Variants in CALD1 observed in about 807,000 individuals in gnomAD.
CALD1 encodes caldesmon.
A neutral mutation model predicts 99.9 loss-of-function variants in CALD1; 33 were observed. The observed-to-expected ratio is 0.33, with a 90% confidence interval of 0.25 to 0.44. The LOEUF (loss-of-function observed/expected upper bound fraction) is 0.44, where lower values mean the gene tolerates loss of function less well. Ranked by LOEUF, CALD1 falls within the 20% of genes least tolerant of loss-of-function variation. The pLI, the probability that CALD1 is intolerant of heterozygous loss-of-function variation, is 1.00. For synonymous variants in CALD1, 310 were observed against 325.0 expected (o/e 0.95, Z 0.50); for missense variants, 861 against 962.1 (o/e 0.89, Z 1.39).
At chr7:134,767,218 T>C (rs888025299) in intron 1 of CALD1, among the ~76,000 whole-genome samples, 1 of 150,926 alleles carries the variant, frequency 6.6e-6, no homozygotes, top group Admixed American at 6.6e-5. Flanking sequence ...TGTGTGTGTG[T>C]GTGTGTGCGT....
intron 6 of CALD1, among the ~76,000 whole-genome samples, chr7:134,940,710 C>T (rs1336161569): frequency 6.6e-6 from 1 of 152,224 alleles, no homozygotes; most frequent in African/African-American, 2.4e-5. Flanking sequence ...CCTGTCTAAG[C>T]AACGTGGTCA....
At chr7:134,932,884 G>T in intron 4 of CALD1, 104 bp from the exon 5 acceptor site, 1 of 718,356 alleles carries the variant, frequency 1.4e-6, no homozygotes. Context: ...GGCAAGCTTG[G>T]CACTACTGGC....
intron 1 of CALD1, among the ~76,000 whole-genome samples, chr7:134,834,948 C>T (rs1799372947): frequency 1.3e-5 from 2 of 152,178 alleles, no homozygotes; most frequent in African/African-American, 2.4e-5. Flanking sequence ...TGCCGATGTC[C>T]ACAGCTTCCT....
chr7:134,719,211 G>T, the CALD1 span, among the ~76,000 whole-genome samples: 1 of 152,148 alleles, frequency 6.6e-6, no homozygotes, highest in Non-Finnish European at 1.5e-5. Context: ...ACGGAAAAAT[G>T]ATTGTTTAAA....
Position 134,947,727 on chromosome 7 carries a change from G to A in CALD1, c.1752G>A (p.Gln584=). The A allele has an allele frequency of 6.2e-7, 1 of 1,613,948 alleles. No homozygotes were observed. Among genetic ancestry groups the A allele is most frequent in the African/African-American group, 1.3e-5 (1 of 75,058 alleles). ...ERRKVLEEEE[Q]RRKQEEADRK... ...GGAAGGTCCTGGAGGAGGAAGAGCA[G>A]AGGAGGAAGCAGGAGGAAGCCGATC... Residue 584 remains glutamine, a synonymous_variant, in exon 8 of 15, where the codon CAG becomes CAA. Transcript: ENST00000361675.
rs146595921 is a variant in CALD1 at position 134,760,044 on chromosome 7, G to C, written c.-130+15681G>C. Reference sequence around the variant, plus strand: ...TGAAGATATGTGCAGGGGAAAGTTTGGGCAGAGGAAAGAAGATGGAGGGCT... The same window carrying C: ...TGAAGATATGTGCAGGGGAAAGTTTCGGCAGAGGAAAGAAGATGGAGGGCT... On this transcript the variant is annotated intron_variant, in intron 1 of 13. Coordinates refer to the CALD1 transcript ENST00000417172. 1.0e-3 allele frequency among the ~76,000 whole-genome samples: 158 copies of C among 152,260 alleles called. 2 individuals carry two copies. Among genetic ancestry groups the C allele is most frequent in the African/African-American group, 3.7e-3 (152 of 41,540 alleles).
rs560818069 is a variant in CALD1, at chr7:134,940,483, T to C, written c.1387-609T>C. Among the ~76,000 whole-genome samples the C allele has an allele frequency of 1.9e-4, 29 of 152,210 alleles. 1 individual carries two copies. Among genetic ancestry groups the C allele is most frequent in the Non-Finnish European group, 3.8e-4 (26 of 68,038 alleles). On this transcript the variant is annotated intron_variant, in intron 6 of 14. Transcript: ENST00000361675. ...TTCTAACTTTAATGGTTTAGATGAC[T>C]ACAGACATGTTCTCACAGACCCCAC...
chr7:134,882,188 G>A (rs776115461), intron 3 of CALD1, among the ~76,000 whole-genome samples: 1 of 152,152 alleles, frequency 6.6e-6, no homozygotes, highest in Non-Finnish European at 1.5e-5. Flanking sequence ...TACTTGTGAG[G>A]GAGGCAGAAA....
chr7:134,919,641 T>A (rs1312667819), intron 3 of CALD1, among the ~76,000 whole-genome samples: 1 of 152,104 alleles, frequency 6.6e-6, no homozygotes, highest in African/African-American at 2.4e-5. Flanking sequence ...GGAGATGGGG[T>A]GGGAGAATGG....
chr7:134,788,474 G>T (rs1045989037), intron 1 of CALD1, among the ~76,000 whole-genome samples: 2 of 152,180 alleles, frequency 1.3e-5, no homozygotes, highest in African/African-American at 2.4e-5. Flanking sequence ...GGGATGCGGT[G>T]GTAAAATTAG....
chr7:134,832,612 A>G (rs2132084221), intron 1 of CALD1, among the ~76,000 whole-genome samples: 1 of 152,320 alleles, frequency 6.6e-6, no homozygotes, highest in South Asian at 2.1e-4. Context: ...CAGCCTAAGA[A>G]CATAATAAGG....
rs1212642295 is a variant in CALD1, at chr7:134,950,264, C to T, written c.1795-110C>T. On this transcript the variant is annotated intron_variant, in intron 8 of 14. Transcript: ENST00000361675. ...ACCACCTAGAAGGGGAGTGTCCAGC[C>T]TGCGGCCTGAGTCTGCTGCCTCTCC... The T allele has an allele frequency of 8.7e-6, 9 of 1,032,570 alleles. 1 individual carries two copies. In the South Asian group the frequency reaches 1.5e-4, roughly 17 times the overall value. The allele number at this position is 1,032,570 out of a possible 1,614,324, so 64.0% of individuals were successfully genotyped here. A position where few individuals can be genotyped will look rare whatever the true frequency, so the allele number is the denominator to read the frequency against.
At position 134,768,975 on chromosome 7, in the gene CALD1, A is replaced by G. The variant is rs181416180; in HGVS notation, c.-130+24612A>G. 3.3e-5 allele frequency among the ~76,000 whole-genome samples: 5 copies of G among 152,092 alleles called. No individual in the cohort carries two copies. The East Asian group carries it at 5.8e-4, about 18-fold the overall frequency. On this transcript the variant is annotated intron_variant, in intron 1 of 13. Transcript: ENST00000417172. Reference sequence around the variant, plus strand: ...ACCTGCTTCTTTTTTCCCACTCAATATGCTTCTGAGTTTCAGGTACATCTA... The same window carrying G: ...ACCTGCTTCTTTTTTCCCACTCAATGTGCTTCTGAGTTTCAGGTACATCTA...
chr7:134,962,010 A>G (rs1808302365), intron 13 of CALD1: 1 of 152,184 alleles, frequency 6.6e-6, no homozygotes, highest in South Asian at 2.1e-4. Context: ...AAGGCAGTCT[A>G]TGGACCTACT....
intron 3 of CALD1, among the ~76,000 whole-genome samples, chr7:134,910,458 A>C (rs1212034911): frequency 6.6e-6 from 1 of 152,220 alleles, no homozygotes; most frequent in African/African-American, 2.4e-5. Flanking sequence ...GCAAAAGGCC[A>C]AAACTAACAC....
upstream of CALD1, among the ~76,000 whole-genome samples, chr7:134,743,485 T>G (rs1285365157): frequency 6.6e-6 from 1 of 152,184 alleles, no homozygotes; most frequent in Non-Finnish European, 1.5e-5. Context: ...TGGAGTTCAT[T>G]TCCTTCTCTG....
chr7:134,803,240 T>C (rs770305905), intron 1 of CALD1, among the ~76,000 whole-genome samples: 36 of 152,268 alleles, frequency 2.4e-4, no homozygotes, highest in South Asian at 1.0e-3. Context: ...AACTGTTTAT[T>C]ATTATTTTGT....
chr7:134,791,855 C>T (rs112325904), intron 1 of CALD1, among the ~76,000 whole-genome samples: 55 of 152,128 alleles, frequency 3.6e-4, no homozygotes, highest in African/African-American at 1.3e-3. Context: ...TGGCGGAAGG[C>T]GAATGAGGAG....
At chr7:134,762,255 C>G (rs917629065) in intron 1 of CALD1, among the ~76,000 whole-genome samples, 10 of 152,222 alleles carry the variant, frequency 6.6e-5, no homozygotes, top group African/African-American at 2.4e-4. Context: ...AGTCCCAGCT[C>G]TCCTTGCCAC....
Sources: allele counts gnomAD v4.1 joint callset (sites outside exome capture counted in the v4.1 genomes callset), GRCh38; gene constraint gnomAD v4.1.1; transcripts MANE v1.5; gene names NCBI Gene and HGNC (gene_info 2026-07-23, HGNC 2026-07-21).